DTD1: variants seen among roughly 807,000 people sequenced by gnomAD.
The protein encoded by DTD1 is D-tyrosyl-tRNA deacylase 1 homolog.
DTD1 carries 13 observed loss-of-function variants against 25.6 expected under a neutral mutation model. The observed-to-expected ratio is 0.51, with a 90% CI of 0.33 to 0.81. The LOEUF (loss-of-function observed/expected upper bound fraction) is 0.81. DTD1 is among the 30% of genes least tolerant of loss of function. The probability of loss-of-function intolerance (pLI) is 0.02; values close to 1 mark genes in which losing one functional copy is unlikely to be tolerated. For synonymous variants in DTD1, 110 were observed against 103.6 expected (o/e 1.06, Z -0.37); for missense variants, 193 against 266.4 (o/e 0.72, Z 1.92).
rs145839201 is a variant in DTD1, at chr20:18,670,008, A to G, written c.477+41775A>G. ...TTTCTTGTCCACAAGTCTATGCTCT[A>G]ACTCTGTCACCTGCATGGCTGCAAA... On this transcript the variant is annotated intron_variant, in intron 4 of 5. Coordinates refer to ENST00000377452, the MANE Select transcript of DTD1 (RefSeq NM_080820.6). 6.6e-5 allele frequency among the ~76,000 whole-genome samples: 10 copies of G among 152,212 alleles called. No homozygotes were observed. In the East Asian group the frequency reaches 1.6e-3, roughly 24 times the overall value.
chr20:18,638,016 G>A (rs549287689), intron 4 of DTD1, among the ~76,000 whole-genome samples: 4 of 152,318 alleles, frequency 2.6e-5, no homozygotes, highest in Admixed American at 2.6e-4. Context: ...CCATCCAGGC[G>A]AGGCCTTTCT....
intron 4 of DTD1, among the ~76,000 whole-genome samples, chr20:18,661,863 GAA>G (rs1218175580): frequency 6.6e-6 from 1 of 152,162 alleles, no homozygotes; most frequent in African/African-American, 2.4e-5. Flanking sequence ...ATTAAGATTT[GAA>G]AAGAGACCAG....
chr20:18,640,990 C>T (rs984299110), intron 4 of DTD1, among the ~76,000 whole-genome samples: 2 of 152,108 alleles, frequency 1.3e-5, no homozygotes, highest in Non-Finnish European at 2.9e-5. Flanking sequence ...TAGTAATTCC[C>T]GATTCTCTTC....
chr20:18,738,978 C>T (rs977360788), intron 4 of DTD1, among the ~76,000 whole-genome samples: 2 of 152,100 alleles, frequency 1.3e-5, no homozygotes, highest in African/African-American at 2.4e-5. Context: ...TCTTAGGTAG[C>T]GCTTGTCCTC....
chr20:18,737,102 G>A (rs1201468242), intron 4 of DTD1, among the ~76,000 whole-genome samples: 1 of 152,178 alleles, frequency 6.6e-6, no homozygotes, highest in Non-Finnish European at 1.5e-5. Flanking sequence ...TTCTGCCTAG[G>A]GTGCCCCTCA....
chr20:18,688,378 G>C (rs2061026134), intron 4 of DTD1, among the ~76,000 whole-genome samples: 1 of 152,140 alleles, frequency 6.6e-6, no homozygotes, highest in Admixed American at 6.5e-5. Context: ...GCCATGAAAT[G>C]TAAGTACAAA....
intron 4 of DTD1, among the ~76,000 whole-genome samples, chr20:18,639,180 A>T (rs200191411): frequency 2.2e-5 from 2 of 92,958 alleles, no homozygotes; most frequent in Admixed American, 1.1e-4. Flanking sequence ...TTTTTTTTTT[A>T]AGAAAAAAAA....
intron 3 of DTD1, among the ~76,000 whole-genome samples, chr20:18,610,112 C>T (rs1033149020): frequency 3.3e-5 from 5 of 152,108 alleles, no homozygotes; most frequent in African/African-American, 1.2e-4. Context: ...TAAGGAATAT[C>T]AGAAAAGCAT....
intron 4 of DTD1, among the ~76,000 whole-genome samples, chr20:18,693,266 G>T (rs1386024718): frequency 6.6e-6 from 1 of 152,190 alleles, no homozygotes; most frequent in Non-Finnish European, 1.5e-5. Flanking sequence ...TGGATGGGAA[G>T]GGAGGGAACA....
At chr20:18,695,566 CCTCCAT>C (rs2061072074) in intron 4 of DTD1, among the ~76,000 whole-genome samples, 1 of 15,590 alleles carries the variant, frequency 6.4e-5, no homozygotes, top group Non-Finnish European at 1.4e-4. Flanking sequence ...CTTCTCTTCC[CCTCCAT>C]TCCCCTCCCC....
chr20:18,658,930 G>T (rs2060899572), intron 4 of DTD1, among the ~76,000 whole-genome samples: 1 of 152,194 alleles, frequency 6.6e-6, no homozygotes, highest in Non-Finnish European at 1.5e-5. Context: ...GCATCTGACA[G>T]CTTTGGACAG....
intron 3 of DTD1, among the ~76,000 whole-genome samples, chr20:18,602,041 A>C: frequency 1.0e-5 from 1 of 96,146 alleles, no homozygotes; most frequent in South Asian, 3.7e-4. Flanking sequence ...ATTTAGAAGA[A>C]TGTATAACTA....
At chr20:18,597,976 C>G (rs185721154) in intron 3 of DTD1, among the ~76,000 whole-genome samples, 1 of 130,454 alleles carries the variant, frequency 7.7e-6, no homozygotes, top group Admixed American at 8.0e-5. Flanking sequence ...GTTCTTTTCT[C>G]CCAACATTTT....
chr20:18,758,015 G>A (rs1020871223), intron 5 of DTD1, among the ~76,000 whole-genome samples: 2 of 151,990 alleles, frequency 1.3e-5, no homozygotes, highest in Admixed American at 6.6e-5. Context: ...TGTATGTGTC[G>A]AGGAATTTAT....
intron 4 of DTD1, among the ~76,000 whole-genome samples, chr20:18,708,197 ATATATATATTT>A (rs2061135084): frequency 4.0e-5 from 1 of 24,890 alleles, no homozygotes; most frequent in Non-Finnish European, 8.9e-5. Context: ...TATATATATT[ATATATATATTT>A]TATATATATA....
chr20:18,705,527 C>T (rs565596813), intron 4 of DTD1, among the ~76,000 whole-genome samples: 197 of 152,308 alleles, frequency 1.3e-3, no homozygotes, highest in Non-Finnish European at 2.3e-3. Context: ...CCGCCAGGTT[C>T]AGGTACCATG....
At chr20:18,719,337 A>G (rs548841753) in intron 4 of DTD1, among the ~76,000 whole-genome samples, 1 of 152,286 alleles carries the variant, frequency 6.6e-6, no homozygotes, top group African/African-American at 2.4e-5. Flanking sequence ...TCCTAAAAGT[A>G]TATTAGGCAG....
intron 4 of DTD1, among the ~76,000 whole-genome samples, chr20:18,711,056 C>T (rs923456097): frequency 6.6e-6 from 1 of 152,196 alleles, no homozygotes; most frequent in African/African-American, 2.4e-5. Context: ...GAGTCTGGAG[C>T]AGTGCTCAGT....
intron 4 of DTD1, chr20:18,632,769 ATGTG>A: frequency 1.5e-6 from 1 of 658,794 alleles, no homozygotes; most frequent in Non-Finnish European, 1.9e-6. Flanking sequence ...CAAATGGATG[ATGTG>A]TGTGTGTATA....
Sources: allele counts gnomAD v4.1 joint callset (sites outside exome capture counted in the v4.1 genomes callset), GRCh38; gene constraint gnomAD v4.1.1; transcripts MANE v1.5; gene names NCBI Gene and HGNC (gene_info 2026-07-23, HGNC 2026-07-21).